The following IL1R1 variants were observed in gnomAD, a reference collection of about 807,000 sequenced individuals.
The protein encoded by IL1R1 is interleukin-1 receptor type 1.
A neutral mutation model predicts 50.2 loss-of-function variants in IL1R1; 22 were observed. That is an observed-to-expected ratio of 0.44 (90% confidence interval 0.31 to 0.63). The LOEUF (loss-of-function observed/expected upper bound fraction) is 0.63, where lower values mean the gene tolerates loss of function less well. Ranked by LOEUF, IL1R1 falls within the 20% of genes least tolerant of loss-of-function variation. The pLI is 0.07. For synonymous variants in IL1R1, 251 were observed against 236.7 expected, an observed-to-expected ratio of 1.06 and a Z score of -0.55; for missense variants, 509 against 676.2, an observed-to-expected ratio of 0.75 and a Z score of 2.74.
intron 1 of IL1R1, among the ~76,000 whole-genome samples, chr2:102,153,084 C>CTGCTCAA (rs1559492121): frequency 7.2e-5 from 11 of 152,162 alleles, no homozygotes; most frequent in African/African-American, 2.7e-4. Flanking sequence ...AAGGCTACCA[C>CTGCTCAA]AACCCAGCTT....
intron 1 of IL1R1, among the ~76,000 whole-genome samples, chr2:102,131,758 A>G (rs1682045822): frequency 6.6e-6 from 1 of 152,186 alleles, no homozygotes; most frequent in South Asian, 2.1e-4. Context: ...CACTCAAGGG[A>G]AAAAGGGAGT....
intron 1 of IL1R1, among the ~76,000 whole-genome samples, chr2:102,120,200 C>T (rs1480969383): frequency 1.3e-5 from 2 of 151,934 alleles, no homozygotes; most frequent in African/African-American, 4.8e-5. Context: ...GTTGTGTGAG[C>T]GTATGTGTTT....
chr2:102,168,139 A>G (rs946338880), intron 6 of IL1R1, among the ~76,000 whole-genome samples: 1 of 152,186 alleles, frequency 6.6e-6, no homozygotes, highest in Non-Finnish European at 1.5e-5. Context: ...GCCTATTTTA[A>G]TAAATTACAG....
In IL1R1 at chr2:102,145,066, C is replaced by T. The variant is rs10165894; in HGVS notation, c.-84+2046C>T. ...TAAGAGAGGCAAAGCTGGACAATTG[C>T]GGTGAAACTACCATAGCATAGTGGG... On this transcript the variant is annotated intron_variant, in intron 1 of 11. Transcript: ENST00000410023. 6.9e-3 allele frequency among the ~76,000 whole-genome samples: 1,057 copies of T among 152,268 alleles called. 15 individuals are homozygous for T. Among genetic ancestry groups the T allele is most frequent in the African/African-American group, 0.023 (945 of 41,562 alleles).
chr2:102,137,526 C>T lies in IL1R1; in HGVS notation c.-83-16415C>T, dbSNP rs1418097323. Among the ~76,000 whole-genome samples, 6 of 152,222 alleles carry T rather than the reference C, an allele frequency of 3.9e-5. No homozygotes were observed. In the East Asian group the frequency reaches 5.8e-4, roughly 15 times the overall value. Reference sequence around the variant, plus strand: ...ACCTGTACATGGTATACATGTGGCTCGAGCTTCCTAACACTATGGTGGTCT... The same window carrying T: ...ACCTGTACATGGTATACATGTGGCTTGAGCTTCCTAACACTATGGTGGTCT... On this transcript the variant is annotated intron_variant, in intron 1 of 10. Coordinates refer to the IL1R1 transcript ENST00000409329.
intron 1 of IL1R1, among the ~76,000 whole-genome samples, chr2:102,116,785 G>C (rs1195236785): frequency 1.3e-5 from 2 of 152,132 alleles, no homozygotes; most frequent in Non-Finnish European, 1.5e-5. Flanking sequence ...CCTTCTAGTG[G>C]GGGAAATGGT....
intron 1 of IL1R1, among the ~76,000 whole-genome samples, chr2:102,114,132 T>C (rs1309851630): frequency 2.6e-5 from 4 of 152,204 alleles, no homozygotes; most frequent in Non-Finnish European, 2.9e-5. Context: ...CTAAGAGTTA[T>C]CCAAATTGGT....
At chr2:102,111,965 A>G (rs186964773) in intron 1 of IL1R1, among the ~76,000 whole-genome samples, 163 of 152,292 alleles carry the variant, frequency 1.1e-3, no homozygotes, top group African/African-American at 3.2e-3. Context: ...ATCTGAGGCC[A>G]TGGCTCTCTG....
intron 1 of IL1R1, among the ~76,000 whole-genome samples, chr2:102,075,310 G>A (rs1678911425): frequency 6.6e-6 from 1 of 152,172 alleles, no homozygotes; most frequent in African/African-American, 2.4e-5. Flanking sequence ...CAACACATAT[G>A]TATGATGAGC....
At chr2:102,100,280 C>T (rs186596567), upstream of IL1R1, among the ~76,000 whole-genome samples, 104 of 152,308 alleles carry the variant, frequency 6.8e-4, no homozygotes, top group Admixed American at 5.8e-3. Flanking sequence ...GTACTCTCCA[C>T]AATTGAAGAG....
chr2:102,128,275 A>G (rs1681836250), intron 1 of IL1R1, among the ~76,000 whole-genome samples: 1 of 152,218 alleles, frequency 6.6e-6, no homozygotes, highest in African/African-American at 2.4e-5. Context: ...ATGCCTAATG[A>G]AGCTCCAGTA....
intron 10 of IL1R1, 109 bp downstream of exon 10, chr2:102,174,839 G>A: frequency 1.2e-6 from 1 of 835,162 alleles, no homozygotes; most frequent in Non-Finnish European, 1.8e-6. Context: ...AAAATGAAAA[G>A]TGGCATATAC....
At chr2:102,142,039 T>G (rs1682684376), upstream of IL1R1, 1 of 152,292 alleles carries the variant, frequency 6.6e-6, no homozygotes, top group East Asian at 1.9e-4. Context: ...GTTTAAAAAT[T>G]TAAAAACCCT....
At chr2:102,108,101 ATTG>A (rs1369242450) in intron 1 of IL1R1, among the ~76,000 whole-genome samples, 1 of 152,098 alleles carries the variant, frequency 6.6e-6, no homozygotes, top group Non-Finnish European at 1.5e-5. Flanking sequence ...TATTATTATT[ATTG>A]TTGTTACTCT....
intron 6 of IL1R1, among the ~76,000 whole-genome samples, chr2:102,167,891 G>T (rs1344417367): frequency 6.6e-6 from 1 of 152,086 alleles, no homozygotes; most frequent in Non-Finnish European, 1.5e-5. Context: ...TTCACTCAAG[G>T]ATTCAAAAAT....
chr2:102,141,437 C>T (rs1021525382), upstream of IL1R1, among the ~76,000 whole-genome samples: 4 of 152,166 alleles, frequency 2.6e-5, no homozygotes, highest in African/African-American at 4.8e-5. Context: ...CTTAATGCTA[C>T]GTCACTGGCC....
intron 1 of IL1R1, among the ~76,000 whole-genome samples, chr2:102,109,599 A>C: frequency 6.6e-6 from 1 of 151,974 alleles, no homozygotes; most frequent in East Asian, 1.9e-4. Flanking sequence ...TGGAAAACTC[A>C]GCCACAACAA....
chr2:102,095,633 C>T (rs1319785178), intron 1 of IL1R1, among the ~76,000 whole-genome samples: 1 of 152,212 alleles, frequency 6.6e-6, no homozygotes, highest in East Asian at 1.9e-4. Context: ...CCAGAAATAG[C>T]TGCTCTTCTG....
chr2:102,157,120 T>C (rs1233631372), intron 2 of IL1R1, among the ~76,000 whole-genome samples: 3 of 152,162 alleles, frequency 2.0e-5, no homozygotes, highest in South Asian at 4.1e-4. Flanking sequence ...TTTTAGAAAG[T>C]ATAGAAAGCC....
Sources: allele counts gnomAD v4.1 joint callset (sites outside exome capture counted in the v4.1 genomes callset), GRCh38; gene constraint gnomAD v4.1.1; transcripts MANE v1.5; gene names NCBI Gene and HGNC (gene_info 2026-07-23, HGNC 2026-07-21).